MLLT3: variants seen among roughly 807,000 people sequenced by gnomAD.
MLLT3 encodes the protein protein AF-9.
In MLLT3, 4 loss-of-function variants were observed where a neutral mutation model predicts 53.2. The observed-to-expected ratio is 0.08, with a 90% confidence interval of 0.04 to 0.17. MLLT3 has a LOEUF of 0.17. Among genes scored for constraint, MLLT3 ranks in the 10% least tolerant of loss-of-function variants. The pLI, the probability that MLLT3 is intolerant of heterozygous loss-of-function variation, is 1.00. For missense variants in MLLT3, 569 were observed against 684.0 expected, an observed-to-expected ratio of 0.83 and a Z score of 1.87; for synonymous variants, 283 against 230.6, an observed-to-expected ratio of 1.23 and a Z score of -2.06.
At chr9:20,560,749 A>T (rs1445597634) in intron 2 of MLLT3, among the ~76,000 whole-genome samples, 6 of 152,096 alleles carry the variant, frequency 3.9e-5, no homozygotes, top group Non-Finnish European at 7.4e-5. Context: ...CACTCTTATT[A>T]AAAAATTTTT....
intron 2 of MLLT3, among the ~76,000 whole-genome samples, chr9:20,573,950 T>G (rs1486507841): frequency 2.0e-5 from 3 of 152,224 alleles, no homozygotes; most frequent in Non-Finnish European, 2.9e-5. Flanking sequence ...TTTCATTTTT[T>G]GGGTTTGAGA....
At chr9:20,468,209 T>C (rs1231496918) in intron 2 of MLLT3, among the ~76,000 whole-genome samples, 1 of 152,246 alleles carries the variant, frequency 6.6e-6, no homozygotes, top group Non-Finnish European at 1.5e-5. Context: ...TATCTAATAG[T>C]AGTCAAATGC....
At chr9:20,610,261 G>T (rs1177668112) in intron 2 of MLLT3, among the ~76,000 whole-genome samples, 1 of 152,094 alleles carries the variant, frequency 6.6e-6, no homozygotes, top group East Asian at 1.9e-4. Context: ...AAATGATAGA[G>T]CTGGCCAAGT....
intron 2 of MLLT3, among the ~76,000 whole-genome samples, chr9:20,589,944 C>T (rs1442859730): frequency 6.6e-6 from 1 of 152,036 alleles, no homozygotes; most frequent in African/African-American, 2.4e-5. Context: ...CTCCTGACCT[C>T]GTGATCCACC....
chr9:20,463,947 A>C (rs1378547926), intron 2 of MLLT3, among the ~76,000 whole-genome samples: 1 of 152,054 alleles, frequency 6.6e-6, no homozygotes, highest in Non-Finnish European at 1.5e-5. Flanking sequence ...AGTGTGTACT[A>C]CTACATCATA....
At chr9:20,528,550 A>T (rs1262347902) in intron 2 of MLLT3, among the ~76,000 whole-genome samples, 1 of 152,230 alleles carries the variant, frequency 6.6e-6, no homozygotes, top group Non-Finnish European at 1.5e-5. Context: ...CGCTCCCCAC[A>T]AAGGCTCTAG....
In MLLT3 at chr9:20,345,974, G is replaced by C. The variant is rs753671325; in HGVS notation, c.*469C>G. The C allele has an allele frequency of 4.3e-6, 1 of 233,644 alleles. No homozygotes were observed. Among genetic ancestry groups the C allele is most frequent in the Non-Finnish European group, 8.5e-6 (1 of 118,094 alleles). The allele number at this position is 233,644 out of a possible 1,614,324, so 14.5% of individuals were successfully genotyped here. ...ATTGAAAGAGCATCCACGGGACCAA[G>C]TACTTATAATGTCTGATGGTGTCAT... On this transcript the variant is annotated 3_prime_UTR_variant, in exon 11 of 11. Transcript: ENST00000380338.
At chr9:20,608,240 A>T (rs1029190018) in intron 2 of MLLT3, among the ~76,000 whole-genome samples, 1 of 151,948 alleles carries the variant, frequency 6.6e-6, no homozygotes, top group Admixed American at 6.6e-5. Context: ...ATCACCATAT[A>T]TCTAAGCAAC....
At chr9:20,391,506 T>C (rs1037879125) in intron 5 of MLLT3, among the ~76,000 whole-genome samples, 3 of 152,158 alleles carry the variant, frequency 2.0e-5, no homozygotes, top group Non-Finnish European at 2.9e-5. Flanking sequence ...CTAGATCTAA[T>C]AGGCAACATA....
chr9:20,516,487 CTA>C (rs2118971427), intron 2 of MLLT3, among the ~76,000 whole-genome samples: 1 of 152,312 alleles, frequency 6.6e-6, no homozygotes, highest in South Asian at 2.1e-4. Flanking sequence ...TCCTCATTTT[CTA>C]TGTCTCAGGA....
At chr9:20,578,162 C>G (rs542017157) in intron 2 of MLLT3, among the ~76,000 whole-genome samples, 2 of 152,168 alleles carry the variant, frequency 1.3e-5, no homozygotes, top group South Asian at 2.1e-4. Context: ...TTTGGAGGAT[C>G]TGTACTACAG....
At chr9:20,387,503 A>G (rs1220084391) in intron 5 of MLLT3, among the ~76,000 whole-genome samples, 1 of 151,766 alleles carries the variant, frequency 6.6e-6, no homozygotes, top group Non-Finnish European at 1.5e-5. Context: ...CTCCTTCACT[A>G]GCTATGCAGT....
intron 4 of MLLT3, among the ~76,000 whole-genome samples, chr9:20,427,657 G>A (rs1054123908): frequency 1.2e-4 from 18 of 151,716 alleles, no homozygotes; most frequent in Non-Finnish European, 2.4e-4. Context: ...TACTAAAAAT[G>A]AAGAACACCA....
chr9:20,520,899 G>C (rs937136794), intron 2 of MLLT3, among the ~76,000 whole-genome samples: 3 of 152,214 alleles, frequency 2.0e-5, no homozygotes, highest in African/African-American at 7.2e-5. Flanking sequence ...AAAGCTGAGG[G>C]AAGACTAAGA....
At chr9:20,508,711 C>T (rs1049349668) in intron 2 of MLLT3, among the ~76,000 whole-genome samples, 4 of 151,968 alleles carry the variant, frequency 2.6e-5, no homozygotes, top group African/African-American at 7.3e-5. Context: ...AAGTTTTAAA[C>T]CCAAACGGCT....
intron 2 of MLLT3, among the ~76,000 whole-genome samples, chr9:20,527,980 TGA>T (rs1482557776): frequency 3.3e-5 from 5 of 152,266 alleles, no homozygotes; most frequent in Non-Finnish European, 5.9e-5. Flanking sequence ...ATAAATGTTA[TGA>T]GAGATTATCT....
chr9:20,394,666 G>C (rs918477741), intron 5 of MLLT3, among the ~76,000 whole-genome samples: 1 of 151,934 alleles, frequency 6.6e-6, no homozygotes, highest in African/African-American at 2.4e-5. Flanking sequence ...CCTTTTCTGG[G>C]GGTTACCTTT....
intron 2 of MLLT3, among the ~76,000 whole-genome samples, chr9:20,581,677 G>A (rs1010974929): frequency 6.6e-6 from 1 of 152,166 alleles, no homozygotes; most frequent in African/African-American, 2.4e-5. Flanking sequence ...AGTTGATGAA[G>A]CACCTTAAAC....
chr9:20,571,306 C>T (rs1279738620), intron 2 of MLLT3, among the ~76,000 whole-genome samples: 7 of 152,206 alleles, frequency 4.6e-5, no homozygotes, highest in Non-Finnish European at 5.9e-5. Flanking sequence ...CACATGCACA[C>T]ACACACACAA....
Sources: allele counts gnomAD v4.1 joint callset (sites outside exome capture counted in the v4.1 genomes callset), GRCh38; gene constraint gnomAD v4.1.1; transcripts MANE v1.5; gene names NCBI Gene and HGNC (gene_info 2026-07-23, HGNC 2026-07-21).